The following LNX1 variants were observed in gnomAD, a reference collection of about 807,000 sequenced individuals.
The protein encoded by LNX1 is E3 ubiquitin-protein ligase LNX.
LNX1 carries 54 observed loss-of-function variants against 68.4 expected under a neutral mutation model. The ratio of observed to expected loss-of-function variants is 0.79; its 90% CI spans 0.63 to 0.99. The LOEUF is 0.99. Among genes scored for constraint, LNX1 ranks in the 50% least tolerant of loss-of-function variants. The probability of loss-of-function intolerance (pLI) is 0.00; values close to 1 mark genes in which losing one functional copy is unlikely to be tolerated. For missense variants in LNX1, 906 were observed against 926.4 expected (o/e 0.98, Z 0.29); for synonymous variants, 336 against 350.0 (o/e 0.96, Z 0.45).
chr4:53,498,567 C>G (rs1217284056), intron 5 of LNX1, 74 bp downstream of exon 5: 1 of 1,012,190 alleles, frequency 9.9e-7, no homozygotes, highest in Non-Finnish European at 1.6e-6. Context: ...ATCCATCCAT[C>G]TATCCAATTG....
At chr4:53,539,135 C>A (rs1728580152) in intron 2 of LNX1, 1 of 152,298 alleles carries the variant, frequency 6.6e-6, no homozygotes, top group South Asian at 2.1e-4. Flanking sequence ...TGTAATCACC[C>A]TGCTACAATA....
upstream of LNX1, among the ~76,000 whole-genome samples, chr4:53,621,977 G>A (rs1433282618): frequency 1.3e-5 from 2 of 152,030 alleles, no homozygotes; most frequent in South Asian, 2.1e-4. Context: ...GTTTTTTTAA[G>A]CACAAACAAT....
intron 9 of LNX1, among the ~76,000 whole-genome samples, chr4:53,474,407 TCACAC>T (rs1723430134): frequency 6.6e-6 from 1 of 152,170 alleles, no homozygotes; most frequent in Non-Finnish European, 1.5e-5. Context: ...GTGGCTGCTC[TCACAC>T]CACAACAGCA....
rs1491174542 is a variant in LNX1 at position 53,529,134 on chromosome 4, CAA to C, written c.381-20909_381-20908del. 3.3e-5 allele frequency among the ~76,000 whole-genome samples: 5 copies of C among 151,302 alleles called. No homozygotes were observed. In the East Asian group the frequency reaches 5.8e-4, roughly 18 times the overall value. On this transcript the variant is annotated intron_variant, in intron 2 of 10. Transcript: ENST00000263925. ...ACACACACACACACACACACACACA[CAA>C]ACACATGCACACACAGAAAACAACA...
At chr4:53,524,561 T>G (rs1056109216) in intron 2 of LNX1, among the ~76,000 whole-genome samples, 7 of 152,164 alleles carry the variant, frequency 4.6e-5, no homozygotes, top group Non-Finnish European at 7.3e-5. Context: ...ACACAACCAG[T>G]AAAATGACAG....
chr4:53,493,151 T>C (rs1405176969), intron 6 of LNX1, among the ~76,000 whole-genome samples: 2 of 151,902 alleles, frequency 1.3e-5, no homozygotes, highest in African/African-American at 4.8e-5. Flanking sequence ...GTATTTTTAG[T>C]AGAGATGGGG....
At chr4:53,566,650 A>C (rs1454526355) in intron 2 of LNX1, among the ~76,000 whole-genome samples, 2 of 152,102 alleles carry the variant, frequency 1.3e-5, no homozygotes, top group African/African-American at 4.8e-5. Context: ...ACATAACACT[A>C]TTAACTTTAC....
rs1213967983 is a variant in LNX1, at chr4:53,540,265, C to T, written c.381-32038G>A. The stretch of plus-strand genomic sequence containing the variant: ...AGGCATGGGGGCGTGCACCTGTAGT[C>T]CCAGCCACTCGGGGGGCTTAGGAGA... On this transcript the variant is annotated intron_variant, in intron 2 of 10. Coordinates refer to ENST00000263925, the MANE Select transcript of LNX1 (RefSeq NM_001126328.3). Among the ~76,000 whole-genome samples, 6 of 152,192 alleles carry T rather than the reference C, an allele frequency of 3.9e-5. No homozygotes were observed. The East Asian group carries it at 1.2e-3, about 29-fold the overall frequency.
chr4:53,516,436 CAGAG>C (rs1726790975), intron 2 of LNX1, among the ~76,000 whole-genome samples: 2 of 152,058 alleles, frequency 1.3e-5, no homozygotes, highest in African/African-American at 4.8e-5. Context: ...ATCAGAGAGA[CAGAG>C]AGGGAGGTAA....
At chr4:53,477,051 G>C in intron 8 of LNX1, 70 bp from the exon 9 acceptor site, 2 of 1,310,422 alleles carry the variant, frequency 1.5e-6, no homozygotes, top group Non-Finnish European at 2.2e-6. Flanking sequence ...AAAGTGCAAG[G>C]GGATAGGGGC....
rs78468739 is a variant in LNX1 at position 53,557,339 on chromosome 4, C to T, written c.380+16284G>A. On this transcript the variant is annotated intron_variant, in intron 2 of 10. Coordinates refer to ENST00000263925, the MANE Select transcript of LNX1 (RefSeq NM_001126328.3). ...AATCAAGGCAATGGAAATATGGGTGCTCAAGGCATGTTTCTTCGTATCCCA... is the reference window on the plus strand; with the variant it reads ...AATCAAGGCAATGGAAATATGGGTGTTCAAGGCATGTTTCTTCGTATCCCA... 5.2e-3 allele frequency among the ~76,000 whole-genome samples: 793 copies of T among 152,212 alleles called. 28 individuals are homozygous for T. In the East Asian group the frequency reaches 0.081, roughly 16 times the overall value.
At position 53,496,405 on chromosome 4, in the gene LNX1, G is replaced by A. The variant is rs1321675016; in HGVS notation, c.979-11C>T. On this transcript the variant is annotated splice_polypyrimidine_tract_variant and intron_variant, in intron 5 of 10. Coordinates refer to ENST00000263925, the MANE Select transcript of LNX1 (RefSeq NM_001126328.3). ...GTCCATCCCGTTGACCTGGGGGCAGGTGGAACAATCGTGCGGTCAGCTCCA... is the reference window on the plus strand; with the variant it reads ...GTCCATCCCGTTGACCTGGGGGCAGATGGAACAATCGTGCGGTCAGCTCCA... The A allele has an allele frequency of 3.2e-6, 5 of 1,587,184 alleles. No homozygotes were observed. Among genetic ancestry groups the A allele is most frequent in the Non-Finnish European group, 1.7e-6 (2 of 1,165,988 alleles).
chr4:53,538,013 C>A (rs1417841901), intron 2 of LNX1, among the ~76,000 whole-genome samples: 1 of 152,174 alleles, frequency 6.6e-6, no homozygotes, highest in African/African-American at 2.4e-5. Context: ...CTGTCTCATT[C>A]TGAATACCAA....
At chr4:53,625,903 C>T (rs1734058481) in intron 1 of LNX1, among the ~76,000 whole-genome samples, 1 of 146,338 alleles carries the variant, frequency 6.8e-6, no homozygotes. Context: ...ACTGAAAATA[C>T]ATGTCTACAC....
chr4:53,564,270 G>C (rs1254049791), intron 2 of LNX1, among the ~76,000 whole-genome samples: 10 of 152,186 alleles, frequency 6.6e-5, no homozygotes, highest in African/African-American at 2.4e-4. Context: ...AGGCAGCTGA[G>C]GGGCACCTGT....
chr4:53,614,149 C>T (rs1733599375), intron 2 of LNX1, among the ~76,000 whole-genome samples: 1 of 152,162 alleles, frequency 6.6e-6, no homozygotes, highest in East Asian at 1.9e-4. Context: ...CCTTTGCTCA[C>T]TTTTTAATGG....
intron 8 of LNX1, 72 bp from the exon 9 acceptor site, chr4:53,477,053 G>T (rs567788872): frequency 7.8e-7 from 1 of 1,279,410 alleles, no homozygotes; most frequent in East Asian, 2.3e-5. Context: ...AGTGCAAGGG[G>T]ATAGGGGCTG....
intron 1 of LNX1, among the ~76,000 whole-genome samples, chr4:53,645,713 C>A (rs1183727486): frequency 6.6e-6 from 1 of 152,184 alleles, no homozygotes; most frequent in Non-Finnish European, 1.5e-5. Context: ...ATCTTGGCCT[C>A]TCACATGACC....
chr4:53,634,780 G>A (rs1167756554), intron 1 of LNX1, among the ~76,000 whole-genome samples: 5 of 151,486 alleles, frequency 3.3e-5, no homozygotes, highest in Non-Finnish European at 7.4e-5. Flanking sequence ...GTCTTCCCTG[G>A]CATGTTTGTC....
Sources: gnomAD v4.1 joint callset for allele counts (sites outside exome capture counted in the v4.1 genomes callset) on GRCh38, gnomAD v4.1.1 for gene constraint, MANE v1.5 for transcripts, NCBI Gene and HGNC (gene_info 2026-07-23, HGNC 2026-07-21) for gene names.